Variants in NFATC2 observed in about 807,000 individuals in gnomAD.
NFATC2 encodes the protein nuclear factor of activated T-cells, cytoplasmic 2.
Under a neutral mutation model 87.3 loss-of-function variants are expected in NFATC2, and 22 were observed. The ratio of observed to expected loss-of-function variants is 0.25; its 90% CI spans 0.18 to 0.36. The LOEUF (loss-of-function observed/expected upper bound fraction) is 0.36. NFATC2 is among the 10% of genes least tolerant of loss of function. The probability of loss-of-function intolerance (pLI) is 1.00; values close to 1 mark genes in which losing one functional copy is unlikely to be tolerated. For synonymous variants in NFATC2, 565 were observed against 542.2 expected (o/e 1.04, Z -0.58); for missense variants, 1,149 against 1,259.1 (o/e 0.91, Z 1.32).
chr20:51,404,278 C>T (rs878669), intron 9 of NFATC2, among the ~76,000 whole-genome samples: 133,258 of 151,786 alleles, frequency 0.88, 58,646 homozygotes, highest in South Asian at 0.92. Flanking sequence ...CCCAGCTCTG[C>T]CACATCCTTT....
upstream of NFATC2, among the ~76,000 whole-genome samples, chr20:51,543,763 A>G (rs377074546): frequency 6.6e-5 from 10 of 152,264 alleles, 1 homozygote; most frequent in East Asian, 1.9e-4. Context: ...TTTGGCAAAC[A>G]CTGCATAAGG....
chr20:51,517,539 C>T (rs1456705325), intron 2 of NFATC2, among the ~76,000 whole-genome samples: 1 of 151,756 alleles, frequency 6.6e-6, no homozygotes, highest in African/African-American at 2.4e-5. Flanking sequence ...TTGCAATGAG[C>T]TGTGATTGCA....
chr20:51,518,709 G>A (rs2076393699), intron 2 of NFATC2, among the ~76,000 whole-genome samples: 1 of 152,130 alleles, frequency 6.6e-6, no homozygotes, highest in South Asian at 2.1e-4. Flanking sequence ...AAATAGAGTT[G>A]ACTTTAAAGA....
intron 1 of NFATC2, among the ~76,000 whole-genome samples, chr20:51,556,304 G>T (rs1368527024): frequency 6.6e-6 from 1 of 152,146 alleles, no homozygotes; most frequent in Non-Finnish European, 1.5e-5. Flanking sequence ...GTGGTCATTT[G>T]TTATAGCAGC....
intron 3 of NFATC2, among the ~76,000 whole-genome samples, chr20:51,497,006 G>A (rs1333016450): frequency 2.0e-5 from 3 of 152,200 alleles, no homozygotes; most frequent in East Asian, 1.9e-4. Context: ...TCCATTCTCC[G>A]CAGCTTAATG....
rs543329116 is a variant in NFATC2 at position 51,426,212 on chromosome 20, G to A, written c.2722+5855C>T. 4.6e-5 allele frequency among the ~76,000 whole-genome samples: 7 copies of A among 152,288 alleles called. No homozygotes were observed. The South Asian group carries it at 1.2e-3, about 27-fold the overall frequency. On this transcript the variant is annotated intron_variant, in intron 9 of 10. Transcript: ENST00000371564. ...TCATAAACAAGGCTGGGCATGGTGG[G>A]TCACAGCTATAATCCCAGCACTTTG...
At chr20:51,414,200 GCAGTGCAGACAAGTCA>G (rs1383973679) in intron 9 of NFATC2, among the ~76,000 whole-genome samples, 1 of 128,938 alleles carries the variant, frequency 7.8e-6, no homozygotes, top group African/African-American at 2.7e-5. Context: ...GGGGCAGTCA[GCAGTGCAGACAAGTCA>G]CAGCATTTGT....
chr20:51,470,447 G>C, intron 5 of NFATC2, among the ~76,000 whole-genome samples: 1 of 152,256 alleles, frequency 6.6e-6, no homozygotes, highest in Admixed American at 6.5e-5. Flanking sequence ...TGCACTCCTA[G>C]GAAATCACTC....
Position 51,528,085 on chromosome 20 carries a change from C to CAA in NFATC2, c.131-3977_131-3976dup, listed in dbSNP as rs56201141. Among the ~76,000 whole-genome samples, 291 of 94,202 alleles carry CAA rather than the reference C, an allele frequency of 3.1e-3. 4 individuals carry two copies. The highest frequency in any genetic ancestry group is 0.01 in the African/African-American group (272 of 26,728). 61.8% of individuals were successfully genotyped at this position (94,202 alleles called of 152,430 possible). A position where few individuals can be genotyped will look rare whatever the true frequency, so the allele number is the denominator to read the frequency against. ...TGGGTGACAGGATGAGAACCTGTCC[C>CAA]AAAAAAAAAAAAAAAAAAAAATTCT... On this transcript the variant is annotated intron_variant, in intron 1 of 10. Transcript: ENST00000371564.
chr20:51,447,036 A>G (rs1380084051), intron 6 of NFATC2, among the ~76,000 whole-genome samples: 1 of 152,134 alleles, frequency 6.6e-6, no homozygotes, highest in Non-Finnish European at 1.5e-5. Context: ...CTGCTCTAAG[A>G]TGGTTCCGAT....
upstream of NFATC2, among the ~76,000 whole-genome samples, chr20:51,547,391 GA>G (rs924117074): frequency 4.6e-5 from 7 of 152,136 alleles, no homozygotes; most frequent in African/African-American, 1.4e-4. Flanking sequence ...CACCTGGATA[GA>G]AACAGTCAAG....
At chr20:51,410,450 G>T (rs1213945448) in intron 9 of NFATC2, among the ~76,000 whole-genome samples, 3 of 152,016 alleles carry the variant, frequency 2.0e-5, no homozygotes, top group Non-Finnish European at 2.9e-5. Flanking sequence ...AGCTTAGGGG[G>T]AGGGGTAAGT....
chr20:51,413,037 T>C (rs1228651134), intron 9 of NFATC2, among the ~76,000 whole-genome samples: 1 of 135,358 alleles, frequency 7.4e-6, no homozygotes, highest in Non-Finnish European at 1.6e-5. Context: ...CCGAGTACAG[T>C]GTCCTGCTCT....
chr20:51,523,488 C>T lies in NFATC2; in HGVS notation c.753G>A (p.Lys251=), dbSNP rs1311662365. 6.2e-7 allele frequency: 1 copy of T among 1,612,368 alleles called. No homozygotes were observed. The highest frequency in any genetic ancestry group is 8.5e-7 in the Non-Finnish European group (1 of 1,179,242). Reference sequence around the variant, plus strand: ...AGGCCTCGGCGCACGAATGCCTCCGCTTGGCACCAGGCGATGAGGAGCGGG... The same window carrying T: ...AGGCCTCGGCGCACGAATGCCTCCGTTTGGCACCAGGCGATGAGGAGCGGG... ...PASRSSSPGA[K]RRHSCAEALV... is the part of the protein sequence containing the mutation. Residue 251 remains lysine (K), a synonymous_variant, in exon 2 of 11, where the codon AAG becomes AAA. Transcript: ENST00000371564. This position sits in a 1 kb window ranked among gnomAD's most constrained non-coding sequence, Gnocchi z 6.9.
rs1177431836 is a variant in NFATC2, at chr20:51,526,464, CGTCAGTGTTGGGCCCGT to C, written c.131-2371_131-2355del. On this transcript the variant is annotated intron_variant, in intron 1 of 10. Coordinates refer to ENST00000371564, the MANE Select transcript of NFATC2 (RefSeq NM_012340.5). ...CAACCCCACACTCGACCCAGAGCTC[CGTCAGTGTTGGGCCCGT>C]GTCACTGTGGCCCAGCATTGTCTGC... 3.9e-5 allele frequency among the ~76,000 whole-genome samples: 6 copies of C among 152,318 alleles called. No individual in the cohort carries two copies. In the South Asian group the frequency reaches 6.2e-4, roughly 16 times the overall value.
intron 1 of NFATC2, among the ~76,000 whole-genome samples, chr20:51,553,353 C>T (rs1305886766): frequency 4.6e-5 from 7 of 152,180 alleles, no homozygotes; most frequent in African/African-American, 1.7e-4. Context: ...TAGCACGTTC[C>T]CCTCTGTCTT....
chr20:51,540,350 G>C (rs949748825), intron 1 of NFATC2, among the ~76,000 whole-genome samples: 1 of 152,162 alleles, frequency 6.6e-6, no homozygotes, highest in Non-Finnish European at 1.5e-5. Flanking sequence ...GATGAGAAGG[G>C]AGCTTTATCT....
At chr20:51,497,103 C>T (rs2076001522) in intron 3 of NFATC2, among the ~76,000 whole-genome samples, 1 of 152,204 alleles carries the variant, frequency 6.6e-6, no homozygotes, top group African/African-American at 2.4e-5. Context: ...GGGACAGGGG[C>T]TTGGTTACAA....
chr20:51,497,597 G>A (rs1164851012), intron 3 of NFATC2, among the ~76,000 whole-genome samples: 1 of 152,110 alleles, frequency 6.6e-6, no homozygotes, highest in Non-Finnish European at 1.5e-5. Flanking sequence ...CCCCATGATA[G>A]ACGTTCGCCT....
Sources: allele counts gnomAD v4.1 joint callset (sites outside exome capture counted in the v4.1 genomes callset), GRCh38; gene constraint gnomAD v4.1.1; non-coding constraint Gnocchi (gnomAD v3.1); transcripts MANE v1.5; gene names NCBI Gene and HGNC (gene_info 2026-07-23, HGNC 2026-07-21).